Variants in MYH6 observed in about 807,000 individuals in gnomAD.
The protein encoded by MYH6 is myosin heavy chain 6, also known as myosin-6.
A neutral mutation model predicts 223.2 loss-of-function variants in MYH6; 126 were observed. The observed-to-expected ratio is 0.56, with a 90% CI of 0.49 to 0.65. The LOEUF (loss-of-function observed/expected upper bound fraction) is 0.65. Ranked by LOEUF, MYH6 falls within the 30% of genes least tolerant of loss-of-function variation. MYH6 has a pLI of 0.00. For missense variants in MYH6, 2,040 were observed against 2,536.4 expected, an observed-to-expected ratio of 0.80 and a Z score of 4.20; for synonymous variants, 978 against 1,010.2, an observed-to-expected ratio of 0.97 and a Z score of 0.61.
Position 23,407,149 on chromosome 14 carries a change from C to T in MYH6, c.75G>A (p.Glu25=). Residue 25 remains glutamate (E), a synonymous_variant, in exon 3 of 39, where the codon GAG becomes GAA. Transcript: ENST00000405093. The surrounding 1 kb of genome is among the most constrained non-coding windows in gnomAD (Gnocchi z 5.6). ...GAATGTCAAAGGGCCGGGTCTGGGC[C>T]TCTAGACGCTCCTTCTCTGACTTGC... ...YLRKSEKERL[E]AQTRPFDIRT... 1 of 1,614,280 alleles carries T rather than the reference C, an allele frequency of 6.2e-7. No homozygotes were observed. The highest frequency in any genetic ancestry group is 8.5e-7 in the Non-Finnish European group (1 of 1,180,056).
At chr14:23,402,415 C>A (rs762646993) in intron 12 of MYH6, 49 bp downstream of exon 12, 1 of 1,609,686 alleles carries the variant, frequency 6.2e-7, no homozygotes, top group South Asian at 1.1e-5. Context: ...CGCAGAGAGC[C>A]TGGTCAGCAC....
intron 14 of MYH6, 165 bp downstream of exon 14, chr14:23,400,091 G>T: frequency 9.6e-7 from 1 of 1,038,908 alleles, no homozygotes; most frequent in South Asian, 1.4e-5. Context: ...GAAGAGTGGG[G>T]GGATCATCCT....
At chr14:23,392,207 C>G (rs1891254065) in intron 25 of MYH6, among the ~76,000 whole-genome samples, 1 of 143,602 alleles carries the variant, frequency 7.0e-6, no homozygotes, top group Non-Finnish European at 1.5e-5. Context: ...TCCTTGAAGC[C>G]TTTTTTTTTT....
chr14:23,392,179 C>G (rs1260068735), intron 25 of MYH6, among the ~76,000 whole-genome samples: 1 of 150,800 alleles, frequency 6.6e-6, no homozygotes, highest in African/African-American at 2.4e-5. Context: ...ATGAACAGAG[C>G]AGCTCACAGG....
At position 23,389,415 on chromosome 14, in the gene MYH6, CT is replaced by C. The variant is rs1891155494; in HGVS notation, c.3955del (p.Arg1319GlyfsTer109). ...CACCTTGCCCTCCTCCTCCAGCTGC[CT>C]TTTGAGGTCCTCCATTTGCTGGGTA... ...SYTQQMEDLK[R>X]QLEEEGKAKN... On this transcript the variant is annotated frameshift_variant, in exon 28 of 39. Coordinates refer to ENST00000405093, the MANE Select transcript of MYH6 (RefSeq NM_002471.4). LOFTEE classifies it high-confidence loss of function. The C allele has an allele frequency of 6.2e-7, 1 of 1,614,068 alleles. No homozygotes were observed. The highest frequency in any genetic ancestry group is 8.5e-7 in the Non-Finnish European group (1 of 1,180,044).
chr14:23,404,256 A>AGCTT, intron 8 of MYH6, 40 bp downstream of exon 8: 2 of 1,608,212 alleles, frequency 1.2e-6, no homozygotes, highest in South Asian at 2.2e-5. Flanking sequence ...TTTCTTGTCA[A>AGCTT]GGCTGGATGA....
rs754290268 is a variant in MYH6, at chr14:23,387,523, C to T, written c.4650+6G>A. On this transcript the variant is annotated splice_donor_region_variant and intron_variant, in intron 32 of 38. Transcript: ENST00000405093. ...GGATGGGGTGCAGGGAGTTCTCGGC[C>T]CTCACCTCTGCCTCCTCCAGGGCTG... 2 of 1,613,216 alleles carry T rather than the reference C, an allele frequency of 1.2e-6. No homozygotes were observed. Among genetic ancestry groups the T allele is most frequent in the South Asian group, 2.2e-5 (2 of 91,048 alleles).
At chr14:23,396,070 CTT>C (rs1891383185) in intron 20 of MYH6, among the ~76,000 whole-genome samples, 1 of 150,132 alleles carries the variant, frequency 6.7e-6, no homozygotes, top group African/African-American at 2.5e-5. Context: ...TCATTGGTGT[CTT>C]AATTTGCATT....
In MYH6 at chr14:23,402,401, G is replaced by A. The variant is rs1891628721; in HGVS notation, c.1141+63C>T. On this transcript the variant is annotated intron_variant, in intron 12 of 38. Transcript: ENST00000405093. ...AAGCCTCAGAGTCTCTGGGATCTGA[G>A]TCCCGCAGAGAGCCTGGTCAGCACC... is the stretch of plus-strand genomic sequence containing the variant. The A allele has an allele frequency of 1.9e-6, 3 of 1,605,926 alleles. No homozygotes were observed. In the Admixed American group the frequency reaches 5.0e-5, roughly 27 times the overall value.
Position 23,400,178 on chromosome 14 carries a change from T to C in MYH6, c.1581+78A>G, listed in dbSNP as rs753157629. The C allele has an allele frequency of 3.1e-6, 5 of 1,605,962 alleles. No homozygotes were observed. The South Asian group carries it at 3.3e-5, about 11-fold the overall frequency. On this transcript the variant is annotated intron_variant, in intron 14 of 38. Coordinates refer to ENST00000405093, the MANE Select transcript of MYH6 (RefSeq NM_002471.4). ...TGGGATTCTTGGGACTCTAGTTTCT[T>C]GGGTGTAGAAGGGACTCAGCCACCA...
chr14:23,391,863 ATGAGAAGGCCAT>A (rs1251305085), intron 25 of MYH6, among the ~76,000 whole-genome samples: 1 of 152,240 alleles, frequency 6.6e-6, no homozygotes, highest in Non-Finnish European at 1.5e-5. Context: ...CTGCAGAGGA[ATGAGAAGGCCAT>A]TGAGAAGACA....
At chr14:23,399,825 A>T in intron 14 of MYH6, 1 of 273,492 alleles carries the variant, frequency 3.7e-6, no homozygotes, top group Middle Eastern at 1.3e-3. Context: ...GCCCCAGCCT[A>T]TGGGGCCTCC....
At position 23,387,488 on chromosome 14, in the gene MYH6, G is replaced by A. The variant is rs769866406; in HGVS notation, c.4650+41C>T. ...AGGTGAGGGAGAAGTGGGAGACAGC[G>A]GCAGAACAGGGATGGGGTGCAGGGA... is the stretch of plus-strand genomic sequence containing the variant. On this transcript the variant is annotated intron_variant, in intron 32 of 38. Transcript: ENST00000405093. 1.9e-5 allele frequency: 30 copies of A among 1,609,698 alleles called. No individual in the cohort carries two copies. The Admixed American group carries it at 2.0e-4, about 11-fold the overall frequency.
Position 23,383,339 on chromosome 14 carries a change from G to GGGGGGCCCCCCCC in MYH6, c.5566-20_5566-19insGGGGGGGGCCCCC. ...CCTCTGTCTGGGGGTGGGAGGGTGG[G>GGGGGGCCCCCCCC]AGAAGCTGGTTTGGAGGGGGAGCAA... On this transcript the variant is annotated intron_variant, in intron 36 of 38. Transcript: ENST00000405093. 1.8e-5 allele frequency: 2 copies of GGGGGGCCCCCCCC among 108,144 alleles called. No homozygotes were observed. The highest frequency in any genetic ancestry group is 1.8e-5 in the Non-Finnish European group (1 of 54,336). The allele number at this position is 108,144 out of a possible 1,614,324, so 6.7% of individuals were successfully genotyped here.
chr14:23,398,453 C>T (rs1891496962), intron 15 of MYH6, among the ~76,000 whole-genome samples: 1 of 152,238 alleles, frequency 6.6e-6, no homozygotes, highest in Non-Finnish European at 1.5e-5. Flanking sequence ...CCCTGCTGGG[C>T]ATGGTACAGG....
chr14:23,407,334 C>T lies in MYH6; in HGVS notation c.-13-98G>A, dbSNP rs1168688889. Reference sequence around the variant, plus strand: ...AGCCCCCCTCCCTACCCCCGCTCCTCTCCTCCACCCTGGGAGAGGCACCTG... The same window carrying T: ...AGCCCCCCTCCCTACCCCCGCTCCTTTCCTCCACCCTGGGAGAGGCACCTG... On this transcript the variant is annotated intron_variant, in intron 2 of 38. Coordinates refer to ENST00000405093, the MANE Select transcript of MYH6 (RefSeq NM_002471.4). The surrounding 1 kb of genome is among the most constrained non-coding windows in gnomAD (Gnocchi z 5.6). 2.1e-6 allele frequency: 3 copies of T among 1,418,850 alleles called. No individual in the cohort carries two copies. Among genetic ancestry groups the T allele is most frequent in the Non-Finnish European group, 2.9e-6 (3 of 1,023,332 alleles). 87.9% of individuals were successfully genotyped at this position (1,418,850 alleles called of 1,614,324 possible). A position where few individuals can be genotyped will look rare whatever the true frequency, so the allele number is the denominator to read the frequency against.
chr14:23,393,247 A>T (rs533950011), intron 23 of MYH6, 95 bp downstream of exon 23: 2 of 1,536,822 alleles, frequency 1.3e-6, no homozygotes. Context: ...TTCAGGGGCC[A>T]TAGAAGTTAA....
intron 8 of MYH6, 28 bp from the exon 9 acceptor site, chr14:23,403,806 A>G: frequency 6.3e-7 from 1 of 1,583,024 alleles, no homozygotes; most frequent in Non-Finnish European, 8.6e-7. Context: ...AGAGTGAGGG[A>G]ACTGGCGGGA....
In MYH6 at chr14:23,397,263, G is replaced by A. The variant is rs1180139502; in HGVS notation, c.1963-6C>T. On this transcript the variant is annotated splice_region_variant and splice_polypyrimidine_tract_variant and intron_variant, in intron 16 of 38. Coordinates refer to ENST00000405093, the MANE Select transcript of MYH6 (RefSeq NM_002471.4). Reference sequence around the variant, plus strand: ...ATTAGCTTGTTGAGATTTTCCTGGAGGCAGATGAAGGTGGGGAGTTAGGAG... The same window carrying A: ...ATTAGCTTGTTGAGATTTTCCTGGAAGCAGATGAAGGTGGGGAGTTAGGAG... 6.8e-6 allele frequency: 11 copies of A among 1,613,848 alleles called. No homozygotes were observed. The highest frequency in any genetic ancestry group is 1.1e-5 in the South Asian group (1 of 91,072).
Sources: allele counts gnomAD v4.1 joint callset (sites outside exome capture counted in the v4.1 genomes callset), GRCh38; gene constraint gnomAD v4.1.1; non-coding constraint Gnocchi (gnomAD v3.1); transcripts MANE v1.5; gene names NCBI Gene and HGNC (gene_info 2026-07-23, HGNC 2026-07-21).